Variants in CDYL2 observed in about 807,000 individuals in gnomAD.
CDYL2 encodes chromodomain Y like 2, also known as chromodomain Y-like protein 2.
In CDYL2, 23 loss-of-function variants were observed where a neutral mutation model predicts 49.4. The observed-to-expected ratio is 0.47, with a 90% CI of 0.34 to 0.66. The LOEUF is 0.66. CDYL2 is among the 30% of genes least tolerant of loss of function. The pLI is 0.01. For missense variants in CDYL2, 678 were observed against 656.4 expected (o/e 1.03, Z -0.36); for synonymous variants, 360 against 268.8 (o/e 1.34, Z -3.32).
At chr16:80,644,532 A>C (rs1908247794) in intron 2 of CDYL2, among the ~76,000 whole-genome samples, 1 of 152,160 alleles carries the variant, frequency 6.6e-6, no homozygotes, top group East Asian at 1.9e-4. Context: ...GTTTAATTGG[A>C]CTTAACAGTT....
chr16:80,751,663 T>A (rs367700304), intron 1 of CDYL2, among the ~76,000 whole-genome samples: 2 of 152,182 alleles, frequency 1.3e-5, no homozygotes, highest in South Asian at 2.1e-4. Flanking sequence ...TAGGCTCAAG[T>A]GTTGAGCAGA....
chr16:80,599,718 TG>T lies in CDYL2; in HGVS notation c.*4669del, dbSNP rs1905995895. ...GTTTCCAAGTCATCGACAAGGAATC[TG>T]GGGCCAACTGCCAGGGTCAGGAGCA... On this transcript the variant is annotated 3_prime_UTR_variant, in exon 7 of 7. Transcript: ENST00000570137. 6.6e-6 allele frequency: 1 copy of T among 152,196 alleles called. No homozygotes were observed. Among genetic ancestry groups the T allele is most frequent in the South Asian group, 2.1e-4 (1 of 4,830 alleles). 9.4% of individuals were successfully genotyped at this position (152,196 alleles called of 1,614,324 possible).
At chr16:80,784,395 A>G (rs1424783250) in intron 1 of CDYL2, among the ~76,000 whole-genome samples, 3 of 152,320 alleles carry the variant, frequency 2.0e-5, no homozygotes, top group African/African-American at 7.2e-5. Context: ...TCTGCAATTT[A>G]GGCTCTGGTT....
intron 2 of CDYL2, among the ~76,000 whole-genome samples, chr16:80,680,402 C>A (rs967070009): frequency 6.6e-6 from 1 of 152,178 alleles, no homozygotes; most frequent in African/African-American, 2.4e-5. Flanking sequence ...GAGAACGCTG[C>A]AAGTCTTTAT....
chr16:80,777,717 TAC>T (rs1907134641), intron 1 of CDYL2, among the ~76,000 whole-genome samples: 1 of 151,952 alleles, frequency 6.6e-6, no homozygotes, highest in Non-Finnish European at 1.5e-5. Flanking sequence ...CCCAAAAAAA[TAC>T]AGACACACAA....
chr16:80,616,499 T>C (rs112667659), intron 4 of CDYL2, among the ~76,000 whole-genome samples: 2,750 of 152,192 alleles, frequency 0.018, 76 homozygotes, highest in African/African-American at 0.063. Context: ...CCTGGAGCAA[T>C]CGGCATTTCT....
intron 1 of CDYL2, among the ~76,000 whole-genome samples, chr16:80,800,353 A>G (rs1907888700): frequency 6.6e-6 from 1 of 152,214 alleles, no homozygotes; most frequent in African/African-American, 2.4e-5. Context: ...CACAGAGACA[A>G]GAGGGAAGCA....
At chr16:80,673,878 G>A (rs930202724) in intron 2 of CDYL2, among the ~76,000 whole-genome samples, 10 of 152,182 alleles carry the variant, frequency 6.6e-5, no homozygotes, top group South Asian at 2.1e-4. Flanking sequence ...GAGGCAGGGG[G>A]CTTGGAGTCA....
Position 80,612,752 on chromosome 16 carries a change from G to A in CDYL2, c.1092C>T (p.Ile364=), listed in dbSNP as rs1025868907. ...NGPALGLGAS[I]LPLCDIVWAS... ...CCCACACGATGTCACAGAGGGGCAG[G>A]ATGGAGGCACCCAGGCCCAGGGCCG... The change falls in exon 5 of 7, where the codon ATC becomes ATT. Residue 364 remains isoleucine (I), a synonymous_variant. Transcript: ENST00000570137. The surrounding 1 kb of genome is among the most constrained non-coding windows in gnomAD (Gnocchi z 5.0). 1 of 1,613,716 alleles carries A rather than the reference G, an allele frequency of 6.2e-7. No homozygotes were observed. Among genetic ancestry groups the A allele is most frequent in the Non-Finnish European group, 8.5e-7 (1 of 1,180,020 alleles).
intron 1 of CDYL2, among the ~76,000 whole-genome samples, chr16:80,780,732 A>T (rs1907237648): frequency 6.6e-6 from 1 of 152,140 alleles, no homozygotes; most frequent in African/African-American, 2.4e-5. Flanking sequence ...AAAGCATTTG[A>T]CAAAATTGTC....
intron 2 of CDYL2, among the ~76,000 whole-genome samples, chr16:80,680,950 C>G (rs915989548): frequency 1.3e-5 from 2 of 152,094 alleles, no homozygotes; most frequent in African/African-American, 4.8e-5. Context: ...AAAGCCAGTA[C>G]TCATTATCAG....
chr16:80,691,728 G>A (rs927998011), intron 1 of CDYL2, among the ~76,000 whole-genome samples: 3 of 152,128 alleles, frequency 2.0e-5, no homozygotes, highest in Non-Finnish European at 4.4e-5. Flanking sequence ...AATAGTATTT[G>A]TGGTGTGTCT....
At chr16:80,616,917 T>C (rs1906851854) in intron 4 of CDYL2, among the ~76,000 whole-genome samples, 1 of 152,216 alleles carries the variant, frequency 6.6e-6, no homozygotes, top group South Asian at 2.1e-4. Context: ...CACAGAGAGA[T>C]CCATGACATA....
intron 1 of CDYL2, among the ~76,000 whole-genome samples, chr16:80,711,582 T>A (rs1904597456): frequency 6.6e-6 from 1 of 152,206 alleles, no homozygotes; most frequent in Non-Finnish European, 1.5e-5. Flanking sequence ...AGCTCTGATT[T>A]TTAATTTGAG....
chr16:80,645,338 A>G (rs1908290091), intron 2 of CDYL2, among the ~76,000 whole-genome samples: 1 of 151,836 alleles, frequency 6.6e-6, no homozygotes, highest in Admixed American at 6.5e-5. Flanking sequence ...ATGAACACAC[A>G]CTTCTCAAAA....
chr16:80,660,707 T>C (rs1164161613), intron 2 of CDYL2, among the ~76,000 whole-genome samples: 1 of 152,088 alleles, frequency 6.6e-6, no homozygotes, highest in Non-Finnish European at 1.5e-5. Context: ...ATAATAAAGA[T>C]GTGTGTAAGA....
chr16:80,741,043 A>AACAG (rs1177820051), intron 1 of CDYL2, among the ~76,000 whole-genome samples: 2 of 151,674 alleles, frequency 1.3e-5, no homozygotes, highest in African/African-American at 4.8e-5. Context: ...CAAACAAACA[A>AACAG]AAAAAGAATT....
intron 1 of CDYL2, among the ~76,000 whole-genome samples, chr16:80,746,089 G>A (rs1905919815): frequency 6.6e-6 from 1 of 152,168 alleles, no homozygotes; most frequent in Non-Finnish European, 1.5e-5. Context: ...AACCTCAGAA[G>A]ACTAGCTCTG....
At chr16:80,731,599 G>C (rs1905328687) in intron 1 of CDYL2, among the ~76,000 whole-genome samples, 2 of 152,076 alleles carry the variant, frequency 1.3e-5, no homozygotes. Context: ...CTTCTGGAGA[G>C]CAAAATAGTT....
Sources: gnomAD v4.1 joint callset for allele counts (sites outside exome capture counted in the v4.1 genomes callset) on GRCh38, gnomAD v4.1.1 for gene constraint, Gnocchi (gnomAD v3.1) non-coding constraint, MANE v1.5 for transcripts, NCBI Gene and HGNC (gene_info 2026-07-23, HGNC 2026-07-21) for gene names.